The following TMEM196 variants were observed in gnomAD, a reference collection of about 807,000 sequenced individuals.
TMEM196 encodes transmembrane protein 196.
Under a neutral mutation model 20.0 loss-of-function variants are expected in TMEM196, and 17 were observed. The ratio of observed to expected loss-of-function variants is 0.85; its 90% CI spans 0.58 to 1.27. The LOEUF is 1.27. Among genes scored for constraint, TMEM196 ranks in the 50% most tolerant of loss-of-function variants. The pLI is 0.00. For missense variants in TMEM196, 267 were observed against 223.0 expected (o/e 1.20, Z -1.26); for synonymous variants, 113 against 88.9 (o/e 1.27, Z -1.52).
chr7:19,724,241 C>G (rs994792483), intron 4 of TMEM196, 39 bp downstream of exon 4: 1 of 1,528,264 alleles, frequency 6.5e-7, no homozygotes, highest in African/African-American at 1.4e-5. Context: ...CTTTCTGCAG[C>G]GACATTACAA....
chr7:19,739,539 A>G (rs566381039), intron 1 of TMEM196, among the ~76,000 whole-genome samples: 1 of 152,136 alleles, frequency 6.6e-6, no homozygotes, highest in Non-Finnish European at 1.5e-5. Flanking sequence ...CCATCTTTGA[A>G]GCAAAGAGTG....
intron 1 of TMEM196, among the ~76,000 whole-genome samples, chr7:19,752,605 ATTTCTTTCTTTC>A (rs542308389): frequency 6.7e-6 from 1 of 150,084 alleles, no homozygotes; most frequent in Non-Finnish European, 1.5e-5. Flanking sequence ...AATTTTATGT[ATTTCTTTCTTTC>A]TTTCTTTCTT....
chr7:19,729,426 C>T lies in TMEM196; in HGVS notation c.160G>A (p.Gly54Ser). The change falls in exon 2 of 5, where the codon GGC (glycine) becomes AGC (serine). Residue 54 changes from glycine to serine, a missense_variant. By Grantham distance (56) the Gly-to-Ser change is moderately conservative (BLOSUM62 0). Coordinates refer to ENST00000405844, the MANE Select transcript of TMEM196 (RefSeq NM_001363562.2). ...TTGGCACACAATATTCCACAAATGC[C>T]ACAAAGAAGAAACTGAAAAGGAAAA... ...LGDSSPFLLC[G>S]ICGILCAKKK... The T allele has an allele frequency of 6.4e-7, 1 of 1,550,426 alleles. No individual in the cohort carries two copies. The highest frequency in any genetic ancestry group is 2.5e-5 in the East Asian group (1 of 40,778).
intron 1 of TMEM196, among the ~76,000 whole-genome samples, chr7:19,732,634 TG>T (rs1184768423): frequency 2.2e-3 from 194 of 86,342 alleles, no homozygotes; most frequent in African/African-American, 8.9e-3. Flanking sequence ...TTTTTTTTTT[TG>T]TGTGTGTTAG....
intron 1 of TMEM196, among the ~76,000 whole-genome samples, chr7:19,758,329 A>G (rs1255769481): frequency 1.3e-5 from 2 of 152,218 alleles, no homozygotes; most frequent in African/African-American, 4.8e-5. Context: ...ACTTCCAAAC[A>G]GGTAGAAACC....
intron 1 of TMEM196, among the ~76,000 whole-genome samples, chr7:19,751,101 T>C (rs1016223871): frequency 6.6e-6 from 1 of 152,210 alleles, no homozygotes; most frequent in East Asian, 1.9e-4. Context: ...AATGGCATGA[T>C]TTTTCCACTA....
At chr7:19,728,079 C>T (rs1784062355) in intron 2 of TMEM196, among the ~76,000 whole-genome samples, 1 of 152,006 alleles carries the variant, frequency 6.6e-6, no homozygotes, top group Admixed American at 6.6e-5. Context: ...TCATTTTTTT[C>T]CTTGTAATTT....
At chr7:19,764,612 A>G (rs940657335) in intron 1 of TMEM196, among the ~76,000 whole-genome samples, 2 of 152,170 alleles carry the variant, frequency 1.3e-5, no homozygotes, top group African/African-American at 4.8e-5. Context: ...TCTCTTGCTT[A>G]TGCCTTTTAT....
intron 2 of TMEM196, among the ~76,000 whole-genome samples, chr7:19,728,904 C>A (rs758854625): frequency 6.6e-6 from 1 of 152,180 alleles, no homozygotes; most frequent in Non-Finnish European, 1.5e-5. Flanking sequence ...TAAAATAAAT[C>A]TCTGAGAATT....
At chr7:19,750,076 C>G (rs1055040452) in intron 1 of TMEM196, among the ~76,000 whole-genome samples, 1 of 152,164 alleles carries the variant, frequency 6.6e-6, no homozygotes, top group African/African-American at 2.4e-5. Context: ...AAGACAAGAG[C>G]ACCATTAACC....
chr7:19,742,285 G>T (rs1304187571), intron 1 of TMEM196, among the ~76,000 whole-genome samples: 1 of 151,996 alleles, frequency 6.6e-6, no homozygotes, highest in Non-Finnish European at 1.5e-5. Context: ...AAGGAGAGAG[G>T]CATCTCACTT....
chr7:19,719,803 T>C lies in TMEM196; in HGVS notation c.*2325A>G, dbSNP rs1190015958. 6.6e-6 allele frequency: 1 copy of C among 152,136 alleles called. No homozygotes were observed. Among genetic ancestry groups the C allele is most frequent in the Non-Finnish European group, 1.5e-5 (1 of 67,980 alleles). The allele number at this position is 152,136 out of a possible 1,614,324, so 9.4% of individuals were successfully genotyped here. A position where few individuals can be genotyped will look rare whatever the true frequency, so the allele number is the denominator to read the frequency against. ...ATAATCATATTTAAAAATATATCTA[T>C]ACTTGGTTAAACATACACTGTAAAC... On this transcript the variant is annotated 3_prime_UTR_variant, in exon 5 of 5. Transcript: ENST00000405844.
chr7:19,748,381 A>C (rs1784843638), intron 1 of TMEM196, among the ~76,000 whole-genome samples: 1 of 151,932 alleles, frequency 6.6e-6, no homozygotes, highest in South Asian at 2.1e-4. Context: ...ACTTATTACT[A>C]TGCATTTACA....
chr7:19,759,549 T>C (rs571086224), intron 1 of TMEM196, among the ~76,000 whole-genome samples: 2 of 152,222 alleles, frequency 1.3e-5, no homozygotes, highest in East Asian at 3.9e-4. Flanking sequence ...GTCCACAGCA[T>C]CTCTCTATAT....
At chr7:19,732,836 T>C (rs1253209776) in intron 1 of TMEM196, among the ~76,000 whole-genome samples, 1 of 152,222 alleles carries the variant, frequency 6.6e-6, no homozygotes, top group African/African-American at 2.4e-5. Context: ...TTATAATATT[T>C]CAAAATACAC....
At chr7:19,736,530 C>G (rs1784415211) in intron 1 of TMEM196, among the ~76,000 whole-genome samples, 1 of 151,202 alleles carries the variant, frequency 6.6e-6, no homozygotes, top group Non-Finnish European at 1.5e-5. Flanking sequence ...ATTAGAGTAT[C>G]CGGGGTAGGA....
intron 1 of TMEM196, among the ~76,000 whole-genome samples, chr7:19,750,160 G>A (rs557126613): frequency 3.9e-4 from 59 of 152,236 alleles, no homozygotes; most frequent in African/African-American, 1.3e-3. Context: ...AAAACGTTCT[G>A]TTGTCTTTCT....
intron 1 of TMEM196, among the ~76,000 whole-genome samples, chr7:19,771,117 C>A (rs567535417): frequency 3.9e-4 from 60 of 152,136 alleles, no homozygotes; most frequent in African/African-American, 1.3e-3. Context: ...ACAACAAAAA[C>A]AAGAACAATA....
chr7:19,741,568 G>T (rs909650045), intron 1 of TMEM196, among the ~76,000 whole-genome samples: 2 of 152,096 alleles, frequency 1.3e-5, no homozygotes, highest in Non-Finnish European at 2.9e-5. Context: ...AAAATAACTT[G>T]GATGGTGTTG....
Sources: gnomAD v4.1 joint callset for allele counts (sites outside exome capture counted in the v4.1 genomes callset) on GRCh38, gnomAD v4.1.1 for gene constraint, MANE v1.5 for transcripts, NCBI Gene and HGNC (gene_info 2026-07-23, HGNC 2026-07-21) for gene names.